EML5: variants seen among roughly 807,000 people sequenced by gnomAD.
The protein encoded by EML5 is EMAP like 5, also known as echinoderm microtubule-associated protein-like 5.
A neutral mutation model predicts 250.0 loss-of-function variants in EML5; 120 were observed. The observed-to-expected ratio is 0.48, with a 90% CI of 0.41 to 0.56. EML5 has a LOEUF of 0.56. Ranked by LOEUF, EML5 falls within the 20% of genes least tolerant of loss-of-function variation. The probability of loss-of-function intolerance (pLI) is 0.00; values close to 1 mark genes in which losing one functional copy is unlikely to be tolerated. For synonymous variants in EML5, 771 were observed against 806.5 expected (o/e 0.96, Z 0.75); for missense variants, 2,006 against 2,437.6 (o/e 0.82, Z 3.73).
intron 1 of EML5, among the ~76,000 whole-genome samples, chr14:88,768,008 T>G (rs1459634801): frequency 6.6e-6 from 1 of 152,172 alleles, no homozygotes; most frequent in Non-Finnish European, 1.5e-5. Context: ...TTTCTTAGAC[T>G]TTCCTTTCCT....
rs34864308 is a variant in EML5 at position 88,682,408 on chromosome 14, T to TAA, written c.2983-379_2983-378dup. Among the ~76,000 whole-genome samples the TAA allele has an allele frequency of 1.4e-4, 19 of 136,368 alleles. No homozygotes were observed. The South Asian group carries it at 1.9e-3, about 14-fold the overall frequency. The allele number at this position is 136,368 out of a possible 152,430, so 89.5% of individuals were successfully genotyped here. A position where few individuals can be genotyped will look rare whatever the true frequency, so the allele number is the denominator to read the frequency against. On this transcript the variant is annotated intron_variant, in intron 20 of 43. Coordinates refer to ENST00000554922, the MANE Select transcript of EML5 (RefSeq NM_183387.3). ...ACCAGTGAAACTAGTAAAAATCAAT[T>TAA]AAAAAAAAAAAACGCAAGCATTTAA...
At chr14:88,706,844 T>C (rs1262418539) in intron 10 of EML5, among the ~76,000 whole-genome samples, 4 of 152,164 alleles carry the variant, frequency 2.6e-5, no homozygotes, top group African/African-American at 9.6e-5. Flanking sequence ...CAAAATGAAT[T>C]CAGCAACATA....
Position 88,722,371 on chromosome 14 carries a change from C to G in EML5, c.1187+4170G>C, listed in dbSNP as rs150522500. 1.1e-3 allele frequency among the ~76,000 whole-genome samples: 170 copies of G among 152,242 alleles called. 2 individuals carry two copies. The East Asian group carries it at 0.028, about 25-fold the overall frequency. On this transcript the variant is annotated intron_variant, in intron 8 of 43. Coordinates refer to ENST00000554922, the MANE Select transcript of EML5 (RefSeq NM_183387.3). ...AAAGACATGGAATCCACCCAAATGCCCATCAATGATAGACTGGATAAAGAA... is the reference window on the plus strand; with the variant it reads ...AAAGACATGGAATCCACCCAAATGCGCATCAATGATAGACTGGATAAAGAA...
chr14:88,740,041 C>T (rs72697934), intron 5 of EML5, among the ~76,000 whole-genome samples: 3 of 152,228 alleles, frequency 2.0e-5, no homozygotes, highest in Admixed American at 6.5e-5. Flanking sequence ...AATTTAATTG[C>T]CTCTGGTAAA....
chr14:88,637,282 T>C (rs568597498), intron 32 of EML5, among the ~76,000 whole-genome samples: 1 of 152,306 alleles, frequency 6.6e-6, no homozygotes, highest in South Asian at 2.1e-4. Context: ...AAAATTTACC[T>C]CTGTACTCCC....
At chr14:88,724,577 A>AT (rs1220236258) in intron 8 of EML5, among the ~76,000 whole-genome samples, 3 of 152,080 alleles carry the variant, frequency 2.0e-5, no homozygotes, top group Non-Finnish European at 2.9e-5. Flanking sequence ...ACTAAAAAAA[A>AT]ATCACTACTT....
chr14:88,674,950 T>C (rs1035742478), intron 21 of EML5, among the ~76,000 whole-genome samples: 6 of 152,184 alleles, frequency 3.9e-5, no homozygotes, highest in Non-Finnish European at 8.8e-5. Context: ...AGTGATCTCC[T>C]TTGACTCCAT....
chr14:88,616,099 T>C, intron 43 of EML5, 43 bp downstream of exon 43: 1 of 1,588,388 alleles, frequency 6.3e-7, no homozygotes, highest in Non-Finnish European at 8.6e-7. Flanking sequence ...GTCTCTTAAC[T>C]AGTAACATAG....
chr14:88,636,577 C>T (rs1173227477), intron 32 of EML5, among the ~76,000 whole-genome samples: 1 of 152,146 alleles, frequency 6.6e-6, no homozygotes, highest in African/African-American at 2.4e-5. Flanking sequence ...AGGAGAATGG[C>T]GTGAACCCGG....
At chr14:88,786,035 G>C (rs563480446) in intron 1 of EML5, among the ~76,000 whole-genome samples, 2 of 152,240 alleles carry the variant, frequency 1.3e-5, no homozygotes, top group East Asian at 3.9e-4. Context: ...CTCTGCTCCA[G>C]CCACACTAAC....
intron 17 of EML5, among the ~76,000 whole-genome samples, chr14:88,689,364 T>C (rs993256447): frequency 7.2e-5 from 11 of 152,238 alleles, no homozygotes; most frequent in African/African-American, 2.4e-4. Context: ...AAAGAATTCC[T>C]TGTTTCTCAC....
chr14:88,653,226 T>C (rs971279932), intron 27 of EML5, among the ~76,000 whole-genome samples: 5 of 152,210 alleles, frequency 3.3e-5, no homozygotes, highest in African/African-American at 1.2e-4. Flanking sequence ...AAATATAAAA[T>C]CATGTCATCT....
intron 31 of EML5, among the ~76,000 whole-genome samples, chr14:88,642,444 C>T (rs2091114498): frequency 6.6e-6 from 1 of 152,130 alleles, no homozygotes; most frequent in South Asian, 2.1e-4. Flanking sequence ...GCTTTCTTAG[C>T]CTTTCTTCCT....
At chr14:88,717,027 G>A (rs1241975595) in intron 8 of EML5, among the ~76,000 whole-genome samples, 1 of 152,160 alleles carries the variant, frequency 6.6e-6, no homozygotes, top group Non-Finnish European at 1.5e-5. Context: ...ACTCATACAT[G>A]AACAGTTCAT....
chr14:88,698,976 G>A (rs2093145638), intron 14 of EML5, among the ~76,000 whole-genome samples: 1 of 152,140 alleles, frequency 6.6e-6, no homozygotes, highest in South Asian at 2.1e-4. Flanking sequence ...AGAGAGGTTA[G>A]GTAATTTGCC....
chr14:88,674,186 T>C (rs2092540973), intron 21 of EML5, among the ~76,000 whole-genome samples: 1 of 152,166 alleles, frequency 6.6e-6, no homozygotes, highest in Admixed American at 6.5e-5. Context: ...GGAGAATCAC[T>C]TGAACCCAGG....
intron 20 of EML5, among the ~76,000 whole-genome samples, 196 bp from the exon 21 acceptor site, chr14:88,682,227 A>G (rs1308091604): frequency 6.6e-6 from 1 of 152,164 alleles, no homozygotes; most frequent in Non-Finnish European, 1.5e-5. Context: ...TAGCTCCACA[A>G]TTACCATATA....
At chr14:88,693,018 CAG>C (rs2092995059) in intron 17 of EML5, among the ~76,000 whole-genome samples, 2 of 152,046 alleles carry the variant, frequency 1.3e-5, no homozygotes, top group South Asian at 4.1e-4. Flanking sequence ...ATTTAGAAAA[CAG>C]ACATTTTTTA....
At chr14:88,692,248 G>A (rs1310326053) in intron 17 of EML5, among the ~76,000 whole-genome samples, 1 of 151,986 alleles carries the variant, frequency 6.6e-6, no homozygotes, top group Non-Finnish European at 1.5e-5. Flanking sequence ...GTGGTGGCGG[G>A]CACCTGTAAT....
Sources: gnomAD v4.1 joint callset for allele counts (sites outside exome capture counted in the v4.1 genomes callset) on GRCh38, gnomAD v4.1.1 for gene constraint, MANE v1.5 for transcripts, NCBI Gene and HGNC (gene_info 2026-07-23, HGNC 2026-07-21) for gene names.